The following PPP1R36 variants were observed in gnomAD, a reference collection of about 807,000 sequenced individuals.
PPP1R36 encodes chromosome 14 open reading frame 50.
A neutral mutation model predicts 53.4 loss-of-function variants in PPP1R36; 47 were observed. The observed-to-expected ratio is 0.88, with a 90% CI of 0.70 to 1.12. The LOEUF is 1.12. Among genes scored for constraint, PPP1R36 ranks in the 50% most tolerant of loss-of-function variants. PPP1R36 has a pLI of 0.00. For missense variants in PPP1R36, 456 were observed against 513.9 expected (o/e 0.89, Z 1.09); for synonymous variants, 153 against 170.5 (o/e 0.90, Z 0.80).
chr14:64,558,653 G>A (rs966414268), intron 3 of PPP1R36, among the ~76,000 whole-genome samples: 2 of 124,794 alleles, frequency 1.6e-5, no homozygotes, highest in African/African-American at 5.8e-5. Context: ...TTTTTTTTTT[G>A]AAATGGAGTC....
rs1484379518 is a variant in PPP1R36, at chr14:64,564,758, C to T, written c.190C>T (p.Pro64Ser). Residue 64 changes from proline to serine, a missense_variant, in exon 4 of 12, where the codon CCT (proline) becomes TCT (serine). Coordinates refer to ENST00000298705, the MANE Select transcript of PPP1R36 (RefSeq NM_172365.3). ...WLLKHHPHFT[P>S]AAEVKEKGKK... The stretch of plus-strand genomic sequence containing the variant: ...ATCTCATTTTTATTGCAGTTTTACA[C>T]CTGCAGCAGAAGTCAAGGAAAAAGG... The T allele has an allele frequency of 2.5e-6, 4 of 1,607,110 alleles. No homozygotes were observed. Among genetic ancestry groups the T allele is most frequent in the Non-Finnish European group, 3.4e-6 (4 of 1,177,090 alleles).
At chr14:64,552,748 A>C in intron 2 of PPP1R36, 66 bp from the exon 3 acceptor site, 3 of 1,242,920 alleles carry the variant, frequency 2.4e-6, no homozygotes, top group Non-Finnish European at 3.5e-6. Context: ...ATTTTATAGA[A>C]TATGTATTTC....
intron 5 of PPP1R36, 85 bp downstream of exon 5, chr14:64,565,539 A>C: frequency 7.0e-7 from 1 of 1,423,558 alleles, no homozygotes; most frequent in South Asian, 1.2e-5. Flanking sequence ...GCCCATCTAC[A>C]TATAACATCC....
At position 64,583,077 on chromosome 14, in the gene PPP1R36, T is replaced by TA. The variant is rs1156551061; in HGVS notation, c.669-3760_669-3759insA. Among the ~76,000 whole-genome samples, 44 of 144,798 alleles carry TA rather than the reference T, an allele frequency of 3.0e-4. 1 individual carries two copies. Among genetic ancestry groups the TA allele is most frequent in the South Asian group, 6.4e-4 (3 of 4,676 alleles). 95.0% of individuals were successfully genotyped at this position (144,798 alleles called of 152,430 possible). A position where few individuals can be genotyped will look rare whatever the true frequency, so the allele number is the denominator to read the frequency against. ...CAGCTATATATATATATATATATATTTTTTTTTTGTATTTTTGTAGAGATC... is the reference window on the plus strand; with the variant it reads ...CAGCTATATATATATATATATATATTATTTTTTTTGTATTTTTGTAGAGATC... On this transcript the variant is annotated intron_variant, in intron 8 of 11. Transcript: ENST00000298705.
intron 7 of PPP1R36, 124 bp from the exon 8 acceptor site, chr14:64,574,331 G>A (rs1288649063): frequency 2.1e-6 from 2 of 967,228 alleles, no homozygotes; most frequent in South Asian, 1.7e-5. Flanking sequence ...CTCCAGCCTA[G>A]GTAGCAGAGC....
chr14:64,574,990 G>T (rs936031586), intron 8 of PPP1R36, among the ~76,000 whole-genome samples: 1 of 152,206 alleles, frequency 6.6e-6, no homozygotes, highest in African/African-American at 2.4e-5. Flanking sequence ...AGCAACAATT[G>T]TGAGTAGGAG....
intron 6 of PPP1R36, among the ~76,000 whole-genome samples, chr14:64,566,584 A>G (rs953712529): frequency 2.6e-5 from 4 of 152,154 alleles, no homozygotes; most frequent in African/African-American, 9.7e-5. Flanking sequence ...CTCAGCTACA[A>G]AATTGGGAAG....
At chr14:64,585,725 T>G (rs1246068684) in intron 8 of PPP1R36, among the ~76,000 whole-genome samples, 2 of 152,096 alleles carry the variant, frequency 1.3e-5, no homozygotes, top group Non-Finnish European at 2.9e-5. Flanking sequence ...ACTCCAGCTC[T>G]GTCTTAAAAA....
chr14:64,551,559 G>A (rs947251137), intron 2 of PPP1R36: 12 of 456,040 alleles, frequency 2.6e-5, no homozygotes, highest in Admixed American at 2.3e-4. Context: ...CACTGATTGT[G>A]TGCCAGATAT....
At chr14:64,550,306 A>G (rs1393692629) in intron 1 of PPP1R36, 2 of 1,322,068 alleles carry the variant, frequency 1.5e-6, no homozygotes, top group African/African-American at 3.1e-5. Context: ...TATTTACGAA[A>G]TCCCACCTCA....
chr14:64,580,263 T>C (rs1224189343), intron 8 of PPP1R36, among the ~76,000 whole-genome samples: 1 of 152,166 alleles, frequency 6.6e-6, no homozygotes, highest in Non-Finnish European at 1.5e-5. Context: ...ATTGTGCTAC[T>C]TACTGCACTC....
intron 4 of PPP1R36, among the ~76,000 whole-genome samples, chr14:64,565,128 G>A (rs986857317): frequency 3.3e-5 from 5 of 152,212 alleles, no homozygotes; most frequent in Middle Eastern, 3.4e-3. Flanking sequence ...ATTTTGGATG[G>A]TATTTGTACT....
intron 7 of PPP1R36, among the ~76,000 whole-genome samples, chr14:64,570,387 C>G (rs2080293370): frequency 6.6e-6 from 1 of 151,972 alleles, no homozygotes; most frequent in African/African-American, 2.4e-5. Flanking sequence ...GAGGCTGAGG[C>G]AAGAGAATCA....
intron 10 of PPP1R36, 111 bp downstream of exon 10, chr14:64,587,483 CAG>C: frequency 4.4e-6 from 2 of 452,396 alleles, no homozygotes; most frequent in East Asian, 4.5e-5. Context: ...TTTTTTGAGA[CAG>C]AGTCTTGCTC....
At chr14:64,577,235 G>T (rs2080349100) in intron 8 of PPP1R36, among the ~76,000 whole-genome samples, 1 of 152,156 alleles carries the variant, frequency 6.6e-6, no homozygotes, top group Non-Finnish European at 1.5e-5. Flanking sequence ...CTATGTCCGT[G>T]ACTTAATTAC....
At chr14:64,559,805 T>C (rs1463219389) in intron 3 of PPP1R36, among the ~76,000 whole-genome samples, 1 of 152,194 alleles carries the variant, frequency 6.6e-6, no homozygotes, top group East Asian at 1.9e-4. Flanking sequence ...TCACCTGTGA[T>C]TAGAATTGCA....
At chr14:64,561,015 C>G (rs1357552538) in intron 3 of PPP1R36, among the ~76,000 whole-genome samples, 1 of 152,106 alleles carries the variant, frequency 6.6e-6, no homozygotes, top group African/African-American at 2.4e-5. Flanking sequence ...AGAAGGAGAC[C>G]AATAAATTGT....
rs115465612 is a variant in PPP1R36, at chr14:64,556,493, G to A, written c.182+3632G>A. Among the ~76,000 whole-genome samples, 707 of 152,124 alleles carry A rather than the reference G, an allele frequency of 4.6e-3. 4 individuals are homozygous for A. The highest frequency in any genetic ancestry group is 0.016 in the African/African-American group (679 of 41,476). On this transcript the variant is annotated intron_variant, in intron 3 of 11. Coordinates refer to ENST00000298705, the MANE Select transcript of PPP1R36 (RefSeq NM_172365.3). ...TAAGTATAAATAGGCTGGGTGTGGT[G>A]GCTCACACCTGCGATCTTAGCATTT...
Position 64,550,086 on chromosome 14 carries a change from C to G in PPP1R36, c.69+20C>G. 1 of 1,550,268 alleles carries G rather than the reference C, an allele frequency of 6.5e-7. No individual in the cohort carries two copies. Among genetic ancestry groups the G allele is most frequent in the Non-Finnish European group, 8.7e-7 (1 of 1,145,986 alleles). ...ATGGATGTAAGTGCAGCCTTGGTCG[C>G]CCCCATACCCGGGCTGGGCGCAAGG... On this transcript the variant is annotated intron_variant, in intron 1 of 11. Coordinates refer to ENST00000298705, the MANE Select transcript of PPP1R36 (RefSeq NM_172365.3).
Sources: allele counts gnomAD v4.1 joint callset (sites outside exome capture counted in the v4.1 genomes callset), GRCh38; gene constraint gnomAD v4.1.1; transcripts MANE v1.5; gene names NCBI Gene and HGNC (gene_info 2026-07-23, HGNC 2026-07-21).